Variants in DNAJC3 observed in about 807,000 individuals in gnomAD.
DNAJC3 encodes dnaJ homolog subfamily C member 3.
Under a neutral mutation model 68.6 loss-of-function variants are expected in DNAJC3, and 38 were observed. The observed-to-expected ratio is 0.55, with a 90% CI of 0.43 to 0.73. The LOEUF is 0.73. Among genes scored for constraint, DNAJC3 ranks in the 30% least tolerant of loss-of-function variants. The pLI, the probability that DNAJC3 is intolerant of heterozygous loss-of-function variation, is 0.00. For synonymous variants in DNAJC3, 203 were observed against 204.0 expected, an observed-to-expected ratio of 1.00 and a Z score of 0.04; for missense variants, 526 against 591.9, an observed-to-expected ratio of 0.89 and a Z score of 1.16.
chr13:95,686,647 T>C (rs1354399858), intron 1 of DNAJC3, among the ~76,000 whole-genome samples: 2 of 152,248 alleles, frequency 1.3e-5, no homozygotes, highest in African/African-American at 4.8e-5. Context: ...CCCTGTTGTT[T>C]ATATTTGTCA....
intron 2 of DNAJC3, among the ~76,000 whole-genome samples, chr13:95,713,868 C>G (rs2139631509): frequency 6.6e-6 from 1 of 152,258 alleles, no homozygotes; most frequent in Middle Eastern, 3.4e-3. Context: ...GTCAGATACC[C>G]CAGTCAGTCT....
At chr13:95,706,055 TA>T (rs541741920) in intron 1 of DNAJC3, among the ~76,000 whole-genome samples, 234 of 152,346 alleles carry the variant, frequency 1.5e-3, no homozygotes, top group African/African-American at 5.2e-3. Flanking sequence ...TTAATTAAAT[TA>T]AACTTCAAGT....
chr13:95,683,822 T>C (rs1879993433), intron 1 of DNAJC3, among the ~76,000 whole-genome samples: 1 of 148,436 alleles, frequency 6.7e-6, no homozygotes, highest in Non-Finnish European at 1.5e-5. Flanking sequence ...AAATCCCAGC[T>C]ACTTGGGAGG....
Position 95,792,473 on chromosome 13 carries a change from C to G in DNAJC3, c.*1443C>G, listed in dbSNP as rs1883806405. On this transcript the variant is annotated 3_prime_UTR_variant, in exon 12 of 12. Coordinates refer to ENST00000602402, the MANE Select transcript of DNAJC3 (RefSeq NM_006260.5). ...TCTAATTTTTTTTTCTTAATGAAAT[C>G]AAGCATTTTAATTCACTGTGGGAGG... The G allele has an allele frequency of 6.6e-6, 1 of 152,082 alleles. No individual in the cohort carries two copies. The highest frequency in any genetic ancestry group is 6.5e-5 in the Admixed American group (1 of 15,270). 9.4% of individuals were successfully genotyped at this position (152,082 alleles called of 1,614,324 possible).
At chr13:95,689,712 A>G (rs867174377) in intron 1 of DNAJC3, among the ~76,000 whole-genome samples, 54 of 151,636 alleles carry the variant, frequency 3.6e-4, no homozygotes, top group African/African-American at 1.2e-3. Context: ...CGATCTTTCT[A>G]TCTTTTTGAT....
chr13:95,774,649 C>T (rs1883248923), intron 9 of DNAJC3, among the ~76,000 whole-genome samples: 1 of 152,196 alleles, frequency 6.6e-6, no homozygotes, highest in South Asian at 2.1e-4. Context: ...CATTTGGAAG[C>T]TCTGCTATTA....
rs1383023431 is a variant in DNAJC3, at chr13:95,794,393, C to T, written c.*3363C>T. 6.6e-6 allele frequency: 1 copy of T among 152,204 alleles called. No individual in the cohort carries two copies. Among genetic ancestry groups the T allele is most frequent in the Non-Finnish European group, 1.5e-5 (1 of 68,036 alleles). The allele number at this position is 152,204 out of a possible 1,614,324, so 9.4% of individuals were successfully genotyped here. On this transcript the variant is annotated 3_prime_UTR_variant, in exon 12 of 12. Transcript: ENST00000602402. ...GACACGGCCCTGGTGATGGGCGTTG[C>T]AAAGTTTTCACTGAGCACACAGCAA... is the stretch of plus-strand genomic sequence containing the variant.
intron 1 of DNAJC3, among the ~76,000 whole-genome samples, chr13:95,691,368 A>G (rs1880253504): frequency 6.9e-6 from 1 of 145,904 alleles, no homozygotes; most frequent in Admixed American, 6.8e-5. Flanking sequence ...GGGTCTCCTC[A>G]CTTCTCAGAC....
Position 95,765,567 on chromosome 13 carries a change from G to GTT in DNAJC3, c.1075+1634_1075+1635dup, listed in dbSNP as rs1024972959. ...AGTGCTAATTTAATATAATTGATCT[G>GTT]TTTTTTTTTTTTTTTTTTTTTGGAA... On this transcript the variant is annotated intron_variant, in intron 9 of 11. Transcript: ENST00000602402. Among the ~76,000 whole-genome samples the GTT allele has an allele frequency of 2.3e-3, 235 of 102,252 alleles. 4 individuals carry two copies. The highest frequency in any genetic ancestry group is 4.1e-3 in the African/African-American group (110 of 26,558). The allele number at this position is 102,252 out of a possible 152,430, so 67.1% of individuals were successfully genotyped here.
At chr13:95,790,469 C>A (rs1434757556) in intron 11 of DNAJC3, among the ~76,000 whole-genome samples, 1 of 152,178 alleles carries the variant, frequency 6.6e-6, no homozygotes, top group Non-Finnish European at 1.5e-5. Context: ...TTGATGAGGT[C>A]ATTGCCTTAC....
chr13:95,764,187 T>C (rs1566506137), intron 9 of DNAJC3, among the ~76,000 whole-genome samples: 1 of 152,042 alleles, frequency 6.6e-6, no homozygotes, highest in Non-Finnish European at 1.5e-5. Context: ...AAAATAAATA[T>C]TTTAGCTTTT....
chr13:95,684,226 A>C (rs776733840), intron 1 of DNAJC3, among the ~76,000 whole-genome samples: 2 of 152,202 alleles, frequency 1.3e-5, no homozygotes, highest in Non-Finnish European at 2.9e-5. Flanking sequence ...AGGAGGGCTC[A>C]GAATGACCGC....
At chr13:95,774,924 A>G (rs910387979) in intron 9 of DNAJC3, among the ~76,000 whole-genome samples, 1 of 152,132 alleles carries the variant, frequency 6.6e-6, no homozygotes, top group Non-Finnish European at 1.5e-5. Context: ...GTCAATTTTT[A>G]TAATTATAAT....
intron 2 of DNAJC3, among the ~76,000 whole-genome samples, chr13:95,711,184 A>G (rs1374734300): frequency 6.6e-6 from 1 of 152,168 alleles, no homozygotes; most frequent in African/African-American, 2.4e-5. Flanking sequence ...ACTCATAGGA[A>G]ACATATTTTT....
intron 2 of DNAJC3, among the ~76,000 whole-genome samples, chr13:95,711,437 G>A (rs1010846299): frequency 8.5e-5 from 13 of 152,128 alleles, no homozygotes; most frequent in African/African-American, 3.1e-4. Context: ...CCCGGAGGTT[G>A]CAGTGAGCCA....
In DNAJC3 at chr13:95,677,210, G is replaced by C. The variant is rs1283719881; in HGVS notation, c.-46G>C. ...TGCTGCCGGAGCGCCGGCGCGTGCT[G>C]GTGGGCCACACACCTTTCCTCCTCT... On this transcript the variant is annotated 5_prime_UTR_variant, in exon 1 of 12. Coordinates refer to ENST00000602402, the MANE Select transcript of DNAJC3 (RefSeq NM_006260.5). 6.4e-7 allele frequency: 1 copy of C among 1,565,482 alleles called. No homozygotes were observed. The highest frequency in any genetic ancestry group is 1.1e-5 in the South Asian group (1 of 87,334).
intron 2 of DNAJC3, among the ~76,000 whole-genome samples, chr13:95,722,375 A>G (rs1204802234): frequency 6.6e-6 from 1 of 152,142 alleles, no homozygotes; most frequent in African/African-American, 2.4e-5. Context: ...TCAGAGGTTT[A>G]TACATTTCTA....
At chr13:95,715,543 G>A (rs1349657444) in intron 2 of DNAJC3, among the ~76,000 whole-genome samples, 8 of 150,296 alleles carry the variant, frequency 5.3e-5, no homozygotes, top group Middle Eastern at 3.4e-3. Context: ...GTGTGGTGGC[G>A]TGATCTCGGC....
chr13:95,759,874 C>A (rs1298993622), intron 5 of DNAJC3, among the ~76,000 whole-genome samples, 166 bp from the exon 6 acceptor site: 1 of 152,160 alleles, frequency 6.6e-6, no homozygotes, highest in East Asian at 1.9e-4. Flanking sequence ...AGTTTTGTCA[C>A]ATTTAAATTG....
Sources: gnomAD v4.1 joint callset for allele counts (sites outside exome capture counted in the v4.1 genomes callset) on GRCh38, gnomAD v4.1.1 for gene constraint, MANE v1.5 for transcripts, NCBI Gene and HGNC (gene_info 2026-07-23, HGNC 2026-07-21) for gene names.